BRD7: variants seen among roughly 807,000 people sequenced by gnomAD.
The protein encoded by BRD7 is bromodomain containing 7.
In BRD7, 15 loss-of-function variants were observed where a neutral mutation model predicts 82.1. The observed-to-expected ratio is 0.18, with a 90% confidence interval of 0.12 to 0.28. The LOEUF (loss-of-function observed/expected upper bound fraction) is 0.28, where lower values mean the gene tolerates loss of function less well. Ranked by LOEUF, BRD7 falls within the 10% of genes least tolerant of loss-of-function variation. BRD7 has a pLI of 1.00. For synonymous variants in BRD7, 232 were observed against 266.9 expected (o/e 0.87, Z 1.27); for missense variants, 638 against 779.9 (o/e 0.82, Z 2.17).
At chr16:50,340,170 C>T in intron 5 of BRD7, 84 bp from the exon 6 acceptor site, 1 of 644,808 alleles carries the variant, frequency 1.6e-6, no homozygotes. Context: ...TACAGGTCCT[C>T]TAAAAATTTA....
rs1491176121 is a variant in BRD7, at chr16:50,363,640, T to TG, written c.258+4449_258+4450insC. Among the ~76,000 whole-genome samples the TG allele has an allele frequency of 2.8e-3, 137 of 49,444 alleles. 1 individual carries two copies. The highest frequency in any genetic ancestry group is 8.4e-3 in the African/African-American group (117 of 13,888). 32.4% of individuals were successfully genotyped at this position (49,444 alleles called of 152,430 possible). On this transcript the variant is annotated intron_variant, in intron 2 of 16. Transcript: ENST00000394688. ...AAATTGTAAGGCTTTACGTTGTGTG[T>TG]TTGTGTGTGTGTGTGTGTGTGCGCG...
intron 4 of BRD7, among the ~76,000 whole-genome samples, chr16:50,351,379 CA>C (rs1357000341): frequency 6.6e-6 from 1 of 152,176 alleles, no homozygotes; most frequent in Non-Finnish European, 1.5e-5. Flanking sequence ...TGACAACAAG[CA>C]AAAATACATA....
intron 5 of BRD7, among the ~76,000 whole-genome samples, chr16:50,341,270 A>G (rs1379665857): frequency 6.6e-6 from 1 of 151,754 alleles, no homozygotes; most frequent in Non-Finnish European, 1.5e-5. Context: ...TGGTCCCTCT[A>G]AAGGCTCATT....
At chr16:50,365,979 G>T (rs1403492723) in intron 2 of BRD7, among the ~76,000 whole-genome samples, 2 of 91,804 alleles carry the variant, frequency 2.2e-5, no homozygotes, top group South Asian at 8.0e-4. Flanking sequence ...TGAAGATAAG[G>T]GGGGAAGATC....
chr16:50,363,687 C>T (rs2039028979), intron 2 of BRD7, among the ~76,000 whole-genome samples: 1 of 149,922 alleles, frequency 6.7e-6, no homozygotes, highest in African/African-American at 2.5e-5. Flanking sequence ...GCGTGTGCTT[C>T]CCCCAACTTT....
At chr16:50,348,663 T>A (rs2038387662) in intron 5 of BRD7, among the ~76,000 whole-genome samples, 1 of 152,170 alleles carries the variant, frequency 6.6e-6, no homozygotes, top group Non-Finnish European at 1.5e-5. Context: ...AAAATGCTCA[T>A]CATCACTGGC....
At chr16:50,326,879 G>T (rs2037363058) in intron 9 of BRD7, among the ~76,000 whole-genome samples, 1 of 152,196 alleles carries the variant, frequency 6.6e-6, no homozygotes. Flanking sequence ...CTGTGATGAA[G>T]CTGGGAATAC....
chr16:50,360,125 T>G (rs895073281), intron 2 of BRD7, among the ~76,000 whole-genome samples: 1 of 152,218 alleles, frequency 6.6e-6, no homozygotes, highest in Admixed American at 6.5e-5. Flanking sequence ...CAAATGACAT[T>G]TGCCTGTTCT....
chr16:50,321,339 T>A (rs1438213704), intron 13 of BRD7, among the ~76,000 whole-genome samples: 12 of 152,016 alleles, frequency 7.9e-5, no homozygotes, highest in Admixed American at 7.9e-4. Flanking sequence ...GGTGGGCGGA[T>A]CACCTGACAT....
chr16:50,322,671 A>G (rs2037169732), intron 12 of BRD7, among the ~76,000 whole-genome samples: 1 of 152,240 alleles, frequency 6.6e-6, no homozygotes, highest in East Asian at 1.9e-4. Flanking sequence ...GCTATATTGA[A>G]GGACAAAGAC....
intron 4 of BRD7, among the ~76,000 whole-genome samples, chr16:50,352,301 A>G (rs1031003579): frequency 2.3e-4 from 35 of 152,332 alleles, no homozygotes; most frequent in African/African-American, 5.0e-4. Context: ...ATCGTGCAGT[A>G]TTTGTTCTTC....
At chr16:50,353,083 T>C (rs2038600439) in intron 4 of BRD7, among the ~76,000 whole-genome samples, 1 of 152,040 alleles carries the variant, frequency 6.6e-6, no homozygotes. Context: ...TTTTTTTTTT[T>C]TTTTAGAAAA....
chr16:50,319,748 AC>A, intron 16 of BRD7, 138 bp downstream of exon 16: 1 of 1,047,000 alleles, frequency 9.6e-7, no homozygotes, highest in Non-Finnish European at 1.4e-6. Flanking sequence ...TATGTTAGGG[AC>A]TTGAGCATCT....
intron 8 of BRD7, among the ~76,000 whole-genome samples, chr16:50,330,337 C>CTTT (rs11360309): frequency 0.012 from 639 of 53,868 alleles, 8 homozygotes; most frequent in African/African-American, 0.034. Context: ...AAAGAGGACA[C>CTTT]TTTTTTTTTT....
chr16:50,324,905 C>G (rs2037273119), intron 11 of BRD7, among the ~76,000 whole-genome samples: 1 of 152,218 alleles, frequency 6.6e-6, no homozygotes. Flanking sequence ...GATTAAATGG[C>G]TTGATCTGAA....
chr16:50,360,580 A>G (rs940578370), intron 2 of BRD7, among the ~76,000 whole-genome samples: 1 of 152,198 alleles, frequency 6.6e-6, no homozygotes, highest in African/African-American at 2.4e-5. Context: ...GACTCCTGGA[A>G]CAAGTTAGTC....
intron 16 of BRD7, 37 bp from the exon 17 acceptor site, chr16:50,319,303 T>C: frequency 6.3e-7 from 1 of 1,594,576 alleles, no homozygotes; most frequent in Non-Finnish European, 8.6e-7. Flanking sequence ...CAACATTGTT[T>C]TTACCTTTTA....
At chr16:50,349,051 A>G (rs1158940260) in intron 5 of BRD7, 1 of 154,054 alleles carries the variant, frequency 6.5e-6, no homozygotes, top group African/African-American at 2.4e-5. Context: ...TGTGGCACAT[A>G]TACACCATGG....
chr16:50,320,320 C>G lies in BRD7; in HGVS notation c.1684G>C (p.Glu562Gln), dbSNP rs1250035729. 2 of 1,614,180 alleles carry G rather than the reference C, an allele frequency of 1.2e-6. No individual in the cohort carries two copies. Residue 562 changes from glutamate to glutamine, a missense_variant, in exon 15 of 17, where the codon GAA (glutamate) becomes CAA (glutamine). Glu to Gln is a conservative substitution (Grantham distance 29, BLOSUM62 2). Around this residue, in one of 3 missense-constraint regions of BRD7, gnomAD observed 402 missense variants for 500.8 expected, o/e 0.80. Transcript: ENST00000394688. ...LLRELQEAQN[E>Q]RLSTRPPPNM... ...GGAGGGGGTCTGGTGCTCAAACGTTCATTCTGGGCTTCCTGGAGTTCCCTG... is the reference window on the plus strand; with the variant it reads ...GGAGGGGGTCTGGTGCTCAAACGTTGATTCTGGGCTTCCTGGAGTTCCCTG...
Sources: allele counts gnomAD v4.1 joint callset (sites outside exome capture counted in the v4.1 genomes callset), GRCh38; gene constraint gnomAD v4.1.1; regional missense constraint gnomAD v4.1.1; transcripts MANE v1.5; gene names NCBI Gene and HGNC (gene_info 2026-07-23, HGNC 2026-07-21).